MTMR3: variants seen among roughly 807,000 people sequenced by gnomAD.
MTMR3 encodes phosphatidylinositol-3,5-bisphosphate 3-phosphatase MTMR3.
MTMR3 carries 32 observed loss-of-function variants against 132.4 expected under a neutral mutation model. That is an observed-to-expected ratio of 0.24 (90% CI 0.18 to 0.32). The LOEUF (loss-of-function observed/expected upper bound fraction) is 0.32, where lower values mean the gene tolerates loss of function less well. Ranked by LOEUF, MTMR3 falls within the 10% of genes least tolerant of loss-of-function variation. The pLI, the probability that MTMR3 is intolerant of heterozygous loss-of-function variation, is 1.00. For synonymous variants in MTMR3, 556 were observed against 550.3 expected (o/e 1.01, Z -0.14); for missense variants, 1,216 against 1,489.6 (o/e 0.82, Z 3.02).
At chr22:29,934,248 G>C (rs530845397) in intron 1 of MTMR3, among the ~76,000 whole-genome samples, 1 of 152,064 alleles carries the variant, frequency 6.6e-6, no homozygotes, top group Non-Finnish European at 1.5e-5. Flanking sequence ...CAGCTACTCC[G>C]GAGGCTGACG....
At chr22:30,005,595 C>T (rs2067257702) in intron 9 of MTMR3, 1 of 152,180 alleles carries the variant, frequency 6.6e-6, no homozygotes, top group Admixed American at 6.5e-5. Context: ...TGGCCCCATT[C>T]AGCACGTGAG....
chr22:29,895,785 A>G (rs1192929697), intron 1 of MTMR3, among the ~76,000 whole-genome samples: 1 of 152,128 alleles, frequency 6.6e-6, no homozygotes, highest in African/African-American at 2.4e-5. Flanking sequence ...AACAGTGACC[A>G]TGACCACTTT....
At position 30,022,613 on chromosome 22, in the gene MTMR3, C is replaced by G; in HGVS notation, c.3341C>G (p.Thr1114Ser). ...EQVDKQDTEM[T>S]RWLPDHLAAH... ...CTGGTCCCATCTGTTTTGCAGATGA[C>G]CCGTTGGCTTCCTGACCACCTGGCC... Residue 1114 changes from threonine to serine, a missense_variant, in exon 19 of 20, where the codon ACC becomes AGC. By Grantham distance (58) the Thr-to-Ser change is moderately conservative. Around this residue, in one of 7 missense-constraint regions of MTMR3, gnomAD observed 852 missense variants for 852.0 expected, o/e 1.00. Transcript: ENST00000401950. 1 of 1,613,014 alleles carries G rather than the reference C, an allele frequency of 6.2e-7. No individual in the cohort carries two copies. The highest frequency in any genetic ancestry group is 8.5e-7 in the Non-Finnish European group (1 of 1,179,922).
chr22:29,976,155 C>A (rs1199748165), intron 3 of MTMR3, among the ~76,000 whole-genome samples: 3 of 149,366 alleles, frequency 2.0e-5, no homozygotes, highest in Admixed American at 2.0e-4. Context: ...CTTGGTAATA[C>A]CTTCACTTTA....
chr22:30,025,563 G>C (rs2145990994), intron 19 of MTMR3, 67 bp from the exon 20 acceptor site: 1 of 1,543,242 alleles, frequency 6.5e-7, no homozygotes, highest in Middle Eastern at 1.7e-4. Context: ...TTTGTCTTTT[G>C]AAGTTGGTTT....
chr22:29,993,553 C>T (rs549678794), intron 7 of MTMR3: 10 of 152,318 alleles, frequency 6.6e-5, no homozygotes, highest in African/African-American at 2.4e-4. Flanking sequence ...AAGAGGTATT[C>T]CCTAATTTTG....
At chr22:30,016,175 A>C (rs1175403484) in intron 14 of MTMR3, 1 of 211,728 alleles carries the variant, frequency 4.7e-6, no homozygotes, top group Non-Finnish European at 9.5e-6. Context: ...ATGAACAAGT[A>C]GTTTTACAAA....
At chr22:30,012,095 A>AT (rs2067446271) in intron 12 of MTMR3, 1 of 318,158 alleles carries the variant, frequency 3.1e-6, no homozygotes, top group South Asian at 5.0e-5. Context: ...AAAATGTCAA[A>AT]TATTTTGCCC....
intron 1 of MTMR3, among the ~76,000 whole-genome samples, chr22:29,936,193 T>C (rs1023925551): frequency 6.6e-6 from 1 of 152,206 alleles, no homozygotes; most frequent in Non-Finnish European, 1.5e-5. Context: ...GAATAAAATA[T>C]TCCTTAATGT....
intron 1 of MTMR3, among the ~76,000 whole-genome samples, chr22:29,948,310 T>G (rs1323344608): frequency 2.0e-5 from 3 of 152,224 alleles, no homozygotes; most frequent in African/African-American, 7.2e-5. Flanking sequence ...TTATTCTGCA[T>G]AAAACTGTGT....
At chr22:30,007,459 G>A in intron 10 of MTMR3, 140 bp downstream of exon 10, 1 of 810,964 alleles carries the variant, frequency 1.2e-6, no homozygotes, top group Non-Finnish European at 2.0e-6. Context: ...GATTGATTGA[G>A]GAGTCATGGG....
intron 1 of MTMR3, among the ~76,000 whole-genome samples, chr22:29,943,309 C>G (rs557648474): frequency 6.6e-6 from 1 of 152,188 alleles, no homozygotes; most frequent in South Asian, 2.1e-4. Context: ...TCTCCTGCCT[C>G]AGCCTCCTGA....
At chr22:29,914,585 ACTTAAT>A (rs1407478884) in intron 1 of MTMR3, among the ~76,000 whole-genome samples, 1 of 152,014 alleles carries the variant, frequency 6.6e-6, no homozygotes, top group Non-Finnish European at 1.5e-5. Flanking sequence ...GAGAGCAAAA[ACTTAAT>A]CTTTATGTAG....
At chr22:29,920,505 A>G (rs1569004614) in intron 1 of MTMR3, among the ~76,000 whole-genome samples, 1 of 152,156 alleles carries the variant, frequency 6.6e-6, no homozygotes, top group East Asian at 1.9e-4. Context: ...AATTTGTGGT[A>G]TTTAGAATAT....
intron 3 of MTMR3, among the ~76,000 whole-genome samples, chr22:29,976,450 C>A (rs555640719): frequency 6.6e-6 from 1 of 152,268 alleles, no homozygotes; most frequent in East Asian, 1.9e-4. Context: ...TGCACAAGTG[C>A]TTTACTTTGT....
At chr22:30,023,736 A>G in intron 19 of MTMR3, 1 of 512,140 alleles carries the variant, frequency 2.0e-6, no homozygotes, top group South Asian at 2.4e-5. Flanking sequence ...GACGAGAAGT[A>G]GTGCTTCTTG....
At chr22:29,967,917 CTG>C (rs57853762) in intron 2 of MTMR3, among the ~76,000 whole-genome samples, 40,250 of 148,248 alleles carry the variant, frequency 0.27, 5,992 homozygotes, top group Non-Finnish European at 0.36. Flanking sequence ...ATTATATATA[CTG>C]TGTGTGTGTG....
intron 1 of MTMR3, among the ~76,000 whole-genome samples, chr22:29,909,837 C>T (rs1370317122): frequency 1.3e-5 from 2 of 152,132 alleles, no homozygotes; most frequent in East Asian, 1.9e-4. Flanking sequence ...TGCCTCAGAT[C>T]GAGCTTGAAA....
At chr22:29,919,063 A>G (rs984155828) in intron 1 of MTMR3, among the ~76,000 whole-genome samples, 4 of 152,176 alleles carry the variant, frequency 2.6e-5, no homozygotes, top group Non-Finnish European at 5.9e-5. Context: ...TATTCTCCCT[A>G]CAAGGGACAT....
Sources: gnomAD v4.1 joint callset for allele counts (sites outside exome capture counted in the v4.1 genomes callset) on GRCh38, gnomAD v4.1.1 for gene constraint, gnomAD v4.1.1 regional missense constraint, MANE v1.5 for transcripts, NCBI Gene and HGNC (gene_info 2026-07-23, HGNC 2026-07-21) for gene names.